OSTN: variants seen among roughly 807,000 people sequenced by gnomAD.
The protein encoded by OSTN is osteocrin.
A neutral mutation model predicts 12.0 loss-of-function variants in OSTN; 9 were observed. The observed-to-expected ratio is 0.75, with a 90% confidence interval of 0.45 to 1.30. The LOEUF is 1.30. Among genes scored for constraint, OSTN ranks in the 50% most tolerant of loss-of-function variants. The pLI is 0.00. For synonymous variants in OSTN, 59 were observed against 56.9 expected, an observed-to-expected ratio of 1.04 and a Z score of -0.16; for missense variants, 148 against 152.3, an observed-to-expected ratio of 0.97 and a Z score of 0.15.
In OSTN at chr3:191,225,293, A is replaced by G. The variant is rs115533908; in HGVS notation, c.317+6332A>G. On this transcript the variant is annotated intron_variant, in intron 3 of 4. Coordinates refer to ENST00000682035, the MANE Select transcript of OSTN (RefSeq NM_198184.2). Reference sequence around the variant, plus strand: ...GATACACTCCAATTACCGTTTCTTTAAAGTTTATTTATTATTAATTTTATT... The same window carrying G: ...GATACACTCCAATTACCGTTTCTTTGAAGTTTATTTATTATTAATTTTATT... Among the ~76,000 whole-genome samples the G allele has an allele frequency of 6.3e-3, 960 of 152,296 alleles. 17 individuals are homozygous for G. Among genetic ancestry groups the G allele is most frequent in the African/African-American group, 0.022 (903 of 41,578 alleles).
intron 3 of OSTN, among the ~76,000 whole-genome samples, chr3:191,238,900 C>G (rs1378440653): frequency 6.6e-6 from 1 of 152,194 alleles, no homozygotes; most frequent in East Asian, 1.9e-4. Context: ...CATATATAGG[C>G]TTTGCAAAGT....
intron 4 of OSTN, among the ~76,000 whole-genome samples, chr3:191,256,420 G>A (rs1432147871): frequency 6.6e-6 from 1 of 152,044 alleles, no homozygotes; most frequent in African/African-American, 2.4e-5. Context: ...TTTGATTTTG[G>A]AAAGTTTATC....
At chr3:191,241,166 A>ATTTTTTTTTT (rs1378328058) in intron 3 of OSTN, among the ~76,000 whole-genome samples, 3 of 48,336 alleles carry the variant, frequency 6.2e-5, no homozygotes, top group Non-Finnish European at 1.5e-4. Context: ...CTGTGCCTTG[A>ATTTTTTTTTT]CTTTTTTTTT....
intron 3 of OSTN, among the ~76,000 whole-genome samples, chr3:191,222,562 G>C (rs975969160): frequency 6.6e-6 from 1 of 152,194 alleles, no homozygotes; most frequent in Non-Finnish European, 1.5e-5. Context: ...AGGCAGAAGA[G>C]AACTGCCTTG....
At chr3:191,221,167 A>G (rs1422143556) in intron 3 of OSTN, among the ~76,000 whole-genome samples, 1 of 152,152 alleles carries the variant, frequency 6.6e-6, no homozygotes, top group Non-Finnish European at 1.5e-5. Context: ...CCCTTCTGCC[A>G]TGATTGTAAG....
intron 1 of OSTN, among the ~76,000 whole-genome samples, chr3:191,205,256 G>C (rs527558822): frequency 1.3e-5 from 2 of 152,026 alleles, no homozygotes; most frequent in African/African-American, 4.8e-5. Flanking sequence ...TTAGAGTCTT[G>C]TTCAAGATCA....
intron 1 of OSTN, among the ~76,000 whole-genome samples, chr3:191,211,865 T>G (rs1290509574): frequency 6.6e-6 from 1 of 152,180 alleles, no homozygotes; most frequent in Admixed American, 6.5e-5. Flanking sequence ...ATTTACATTT[T>G]CCAAATGCTG....
At chr3:191,208,669 A>G (rs1714343015) in intron 1 of OSTN, among the ~76,000 whole-genome samples, 1 of 152,228 alleles carries the variant, frequency 6.6e-6, no homozygotes, top group Non-Finnish European at 1.5e-5. Context: ...TGTACCATTT[A>G]TAAGATTACA....
At chr3:191,256,414 A>G (rs1715671712) in intron 4 of OSTN, among the ~76,000 whole-genome samples, 1 of 152,166 alleles carries the variant, frequency 6.6e-6, no homozygotes, top group Non-Finnish European at 1.5e-5. Context: ...TTGAATTTTG[A>G]TTTTGGAAAG....
At chr3:191,214,751 T>A (rs1714563033) in intron 2 of OSTN, among the ~76,000 whole-genome samples, 1 of 152,094 alleles carries the variant, frequency 6.6e-6, no homozygotes, top group African/African-American at 2.4e-5. Context: ...TGGTCAGGTG[T>A]GGTGTAATCC....
intron 3 of OSTN, among the ~76,000 whole-genome samples, chr3:191,246,161 T>C (rs1251160130): frequency 1.3e-5 from 2 of 151,338 alleles, no homozygotes; most frequent in African/African-American, 4.9e-5. Flanking sequence ...AGTGCAGGTA[T>C]CATGTGACTG....
intron 4 of OSTN, among the ~76,000 whole-genome samples, chr3:191,257,595 C>G: frequency 6.6e-6 from 1 of 152,156 alleles, no homozygotes; most frequent in Admixed American, 6.5e-5. Context: ...ACCTCTGAAT[C>G]GAAAGGCTGT....
Position 191,251,854 on chromosome 3 carries a change from T to C in OSTN, c.*12+1721T>C, listed in dbSNP as rs570326914. On this transcript the variant is annotated intron_variant, in intron 4 of 4. Transcript: ENST00000682035. ...TTATATTTGAGTAGAAACTAGCTAA[T>C]TGCTGTTTAAAAACCAAGTAACTCT... Among the ~76,000 whole-genome samples the C allele has an allele frequency of 2.6e-5, 4 of 152,330 alleles. No individual in the cohort carries two copies. In the South Asian group the frequency reaches 8.3e-4, roughly 32 times the overall value.
In OSTN at chr3:191,255,313, G is replaced by A. The variant is rs551714484; in HGVS notation, c.*12+5180G>A. Among the ~76,000 whole-genome samples the A allele has an allele frequency of 1.3e-4, 20 of 152,328 alleles. No individual in the cohort carries two copies. In the South Asian group the frequency reaches 3.3e-3, roughly 25 times the overall value. On this transcript the variant is annotated intron_variant, in intron 4 of 4. Coordinates refer to ENST00000682035, the MANE Select transcript of OSTN (RefSeq NM_198184.2). ...TCAGTTCCTAACAGGCCACAGACAT[G>A]TGCTGGTCCGCAACCCGGAGGATGG...
Position 191,260,204 on chromosome 3 carries a change from AT to A in OSTN, c.*13-2650del, listed in dbSNP as rs1310827618. Among the ~76,000 whole-genome samples, 241 of 146,536 alleles carry A rather than the reference AT, an allele frequency of 1.6e-3. 1 individual carries two copies. Among genetic ancestry groups the A allele is most frequent in the African/African-American group, 3.9e-3 (157 of 40,174 alleles). Reference sequence around the variant, plus strand: ...AATTGTTTGGTGTAAGATATCTCTAATTTTTTTTTTTTAATTTAGGAATTTT... The same window carrying A: ...AATTGTTTGGTGTAAGATATCTCTAATTTTTTTTTTTAATTTAGGAATTTT... On this transcript the variant is annotated intron_variant, in intron 4 of 4. Coordinates refer to ENST00000682035, the MANE Select transcript of OSTN (RefSeq NM_198184.2).
At chr3:191,222,174 G>T (rs1476615006) in intron 3 of OSTN, among the ~76,000 whole-genome samples, 2 of 152,254 alleles carry the variant, frequency 1.3e-5, no homozygotes, top group African/African-American at 4.8e-5. Context: ...TACTAGGGCA[G>T]TGCAGAAGGG....
chr3:191,203,149 T>A (rs953992294), intron 1 of OSTN, among the ~76,000 whole-genome samples: 1 of 152,190 alleles, frequency 6.6e-6, no homozygotes, highest in Non-Finnish European at 1.5e-5. Flanking sequence ...CTACCTTGGT[T>A]TTCGTATCAA....
intron 4 of OSTN, among the ~76,000 whole-genome samples, chr3:191,260,173 C>T (rs4686572): frequency 0.2 from 30,252 of 151,548 alleles, 3,157 homozygotes; most frequent in Admixed American, 0.26. Context: ...ATTTAATCTT[C>T]GCATCAATTG....
At chr3:191,223,696 T>C (rs1353080037) in intron 3 of OSTN, among the ~76,000 whole-genome samples, 1 of 152,092 alleles carries the variant, frequency 6.6e-6, no homozygotes, top group Non-Finnish European at 1.5e-5. Context: ...GATTATTATA[T>C]AAAAATATTA....
Sources: allele counts gnomAD v4.1 joint callset (sites outside exome capture counted in the v4.1 genomes callset), GRCh38; gene constraint gnomAD v4.1.1; transcripts MANE v1.5; gene names NCBI Gene and HGNC (gene_info 2026-07-23, HGNC 2026-07-21).